LONP2: variants seen among roughly 807,000 people sequenced by gnomAD.
The protein encoded by LONP2 is lon protease homolog 2, peroxisomal.
A neutral mutation model predicts 85.6 loss-of-function variants in LONP2; 60 were observed. That is an observed-to-expected ratio of 0.70 (90% CI 0.57 to 0.87). LONP2 has a LOEUF of 0.87. Ranked by LOEUF, LONP2 falls within the 40% of genes least tolerant of loss-of-function variation. The pLI, the probability that LONP2 is intolerant of heterozygous loss-of-function variation, is 0.00. For synonymous variants in LONP2, 395 were observed against 389.7 expected (o/e 1.01, Z -0.16); for missense variants, 860 against 1,063.5 (o/e 0.81, Z 2.66).
At chr16:48,258,779 AAAT>A in intron 4 of LONP2, 39 bp downstream of exon 4, 1 of 1,559,426 alleles carries the variant, frequency 6.4e-7, no homozygotes, top group Middle Eastern at 1.7e-4. Context: ...TTTGAAAAAA[AAAT>A]AAGGAGAATA....
At chr16:48,308,060 A>T (rs1473666974) in intron 11 of LONP2, among the ~76,000 whole-genome samples, 3 of 152,218 alleles carry the variant, frequency 2.0e-5, no homozygotes, top group Non-Finnish European at 4.4e-5. Context: ...TGACCCAAAC[A>T]TCTCCCAGTA....
intron 7 of LONP2, 89 bp from the exon 8 acceptor site, chr16:48,277,248 CT>C: frequency 7.8e-7 from 1 of 1,288,484 alleles, no homozygotes. Flanking sequence ...GCTAAATGAT[CT>C]TTTCACATTC....
At chr16:48,361,718 T>C (rs1280415429), downstream of LONP2, 1 of 1,614,060 alleles carries the variant, frequency 6.2e-7, no homozygotes, top group Non-Finnish European at 8.5e-7. Context: ...GAGGAGTCGC[T>C]TCCCAAGTCA....
chr16:48,281,281 C>T (rs1972321647), intron 8 of LONP2, among the ~76,000 whole-genome samples: 2 of 151,998 alleles, frequency 1.3e-5, no homozygotes, highest in African/African-American at 2.4e-5. Context: ...CTTGACCTAC[C>T]ATGTAATTGT....
rs748990122 is a variant in LONP2, at chr16:48,351,886, G to T, written c.*84G>T. On this transcript the variant is annotated 3_prime_UTR_variant, in exon 15 of 15. Transcript: ENST00000285737. ...GTTGATTTTATTCACACCATTAGGG[G>T]TATGCAAGATGTCCCTGTTTTATAA... 1.2e-5 allele frequency: 12 copies of T among 1,035,556 alleles called. No homozygotes were observed. Among genetic ancestry groups the T allele is most frequent in the Non-Finnish European group, 1.2e-5 (8 of 691,318 alleles). 64.1% of individuals were successfully genotyped at this position (1,035,556 alleles called of 1,614,324 possible). A position where few individuals can be genotyped will look rare whatever the true frequency, so the allele number is the denominator to read the frequency against.
At position 48,256,747 on chromosome 16, in the gene LONP2, G is replaced by A; in HGVS notation, c.600+6G>A. The stretch of plus-strand genomic sequence containing the variant: ...GCAACAAAGAGAAACTCCAGGTACA[G>A]TGTTCCCTTTTGAACGCCAGGTTGC... On this transcript the variant is annotated splice_donor_region_variant and intron_variant, in intron 3 of 14. Coordinates refer to ENST00000285737, the MANE Select transcript of LONP2 (RefSeq NM_031490.5). 6.2e-7 allele frequency: 1 copy of A among 1,612,574 alleles called. No homozygotes were observed. The highest frequency in any genetic ancestry group is 8.5e-7 in the Non-Finnish European group (1 of 1,179,484).
intron 12 of LONP2, among the ~76,000 whole-genome samples, chr16:48,340,526 G>A (rs1371028089): frequency 1.3e-5 from 2 of 152,078 alleles, no homozygotes; most frequent in African/African-American, 4.8e-5. Flanking sequence ...ATATATTAAT[G>A]TCAAAAAATA....
intron 12 of LONP2, among the ~76,000 whole-genome samples, chr16:48,337,898 C>A (rs1362388790): frequency 6.6e-6 from 1 of 152,166 alleles, no homozygotes; most frequent in African/African-American, 2.4e-5. Context: ...ACTGCAACCT[C>A]CACCTCCTGG....
At chr16:48,293,856 G>C (rs1410344080) in intron 8 of LONP2, among the ~76,000 whole-genome samples, 1 of 152,206 alleles carries the variant, frequency 6.6e-6, no homozygotes, top group Non-Finnish European at 1.5e-5. Flanking sequence ...TGCGTCAAAA[G>C]AAGAGCGTTT....
chr16:48,265,095 C>T (rs564556940), intron 6 of LONP2, among the ~76,000 whole-genome samples: 1 of 152,150 alleles, frequency 6.6e-6, no homozygotes, highest in African/African-American at 2.4e-5. Context: ...TTCATGAGTT[C>T]CTTGTGTATT....
intron 6 of LONP2, among the ~76,000 whole-genome samples, chr16:48,267,025 A>G (rs1023323336): frequency 6.6e-6 from 1 of 152,218 alleles, no homozygotes; most frequent in Non-Finnish European, 1.5e-5. Context: ...TTTTAAATTT[A>G]TGTAATGTTT....
chr16:48,322,623 C>T (rs1393789207), intron 11 of LONP2, among the ~76,000 whole-genome samples: 3 of 152,046 alleles, frequency 2.0e-5, no homozygotes, highest in African/African-American at 7.2e-5. Flanking sequence ...GCCTGTAGTC[C>T]CAGCTACTCA....
At chr16:48,318,822 G>T (rs181787931) in intron 11 of LONP2, among the ~76,000 whole-genome samples, 4 of 152,276 alleles carry the variant, frequency 2.6e-5, no homozygotes, top group Admixed American at 6.5e-5. Flanking sequence ...TCAGCCTTCT[G>T]TTGGGCTGCT....
At chr16:48,247,860 A>G (rs74016333) in intron 1 of LONP2, among the ~76,000 whole-genome samples, 1,861 of 152,194 alleles carry the variant, frequency 0.012, 40 homozygotes, top group African/African-American at 0.042. Context: ...CAAACTTGTG[A>G]GCTCAAGTGA....
At chr16:48,290,066 T>C (rs1972528706) in intron 8 of LONP2, among the ~76,000 whole-genome samples, 1 of 152,198 alleles carries the variant, frequency 6.6e-6, no homozygotes, top group African/African-American at 2.4e-5. Context: ...CAAGGTCTTC[T>C]AGAATATTTT....
chr16:48,341,842 T>G (rs1227903327), intron 12 of LONP2, among the ~76,000 whole-genome samples: 1 of 152,182 alleles, frequency 6.6e-6, no homozygotes, highest in African/African-American at 2.4e-5. Context: ...TAGGCATAGC[T>G]CACACTGCAT....
chr16:48,285,938 C>G (rs538829099), intron 8 of LONP2, among the ~76,000 whole-genome samples: 2 of 152,134 alleles, frequency 1.3e-5, no homozygotes, highest in East Asian at 1.9e-4. Context: ...CACAGCAATT[C>G]CCTGTTTCTT....
intron 8 of LONP2, among the ~76,000 whole-genome samples, chr16:48,290,400 A>G (rs1440280845): frequency 6.6e-6 from 1 of 152,130 alleles, no homozygotes; most frequent in Non-Finnish European, 1.5e-5. Context: ...GTGTCCTCTA[A>G]TTCAATTCTG....
intron 2 of LONP2, among the ~76,000 whole-genome samples, chr16:48,255,592 T>C (rs911219646): frequency 1.3e-4 from 20 of 152,190 alleles, no homozygotes; most frequent in Admixed American, 9.2e-4. Context: ...TTAGTCCAAA[T>C]TGATATGGTT....
Sources: gnomAD v4.1 joint callset for allele counts (sites outside exome capture counted in the v4.1 genomes callset) on GRCh38, gnomAD v4.1.1 for gene constraint, MANE v1.5 for transcripts, NCBI Gene and HGNC (gene_info 2026-07-23, HGNC 2026-07-21) for gene names.